The following KSR2 variants were observed in gnomAD, a reference collection of about 807,000 sequenced individuals.
KSR2 encodes the protein kinase suppressor of ras 2.
In KSR2, 25 loss-of-function variants were observed where a neutral mutation model predicts 107.8. The observed-to-expected ratio is 0.23, with a 90% confidence interval of 0.17 to 0.32. KSR2 has a LOEUF of 0.32. Ranked by LOEUF, KSR2 falls within the 10% of genes least tolerant of loss-of-function variation. The pLI, the probability that KSR2 is intolerant of heterozygous loss-of-function variation, is 1.00. For synonymous variants in KSR2, 480 were observed against 507.0 expected (o/e 0.95, Z 0.71); for missense variants, 887 against 1,268.9 (o/e 0.70, Z 4.57).
chr12:117,900,534 G>C (rs1009377814), intron 1 of KSR2, among the ~76,000 whole-genome samples: 1 of 152,150 alleles, frequency 6.6e-6, no homozygotes, highest in Non-Finnish European at 1.5e-5. Flanking sequence ...AATGTACTGT[G>C]TGCCAGGCAC....
At chr12:117,702,216 C>T (rs1886357789) in intron 4 of KSR2, among the ~76,000 whole-genome samples, 3 of 152,188 alleles carry the variant, frequency 2.0e-5, no homozygotes, top group South Asian at 2.1e-4. Flanking sequence ...TGTCACTGGG[C>T]CAACATGATT....
intron 1 of KSR2, among the ~76,000 whole-genome samples, chr12:117,927,883 G>A (rs1895578854): frequency 6.6e-6 from 1 of 152,030 alleles, no homozygotes; most frequent in Admixed American, 6.6e-5. Context: ...ACAGCGGAGT[G>A]GCCTCAAGCA....
intron 4 of KSR2, among the ~76,000 whole-genome samples, chr12:117,745,385 A>C (rs1395887343): frequency 6.6e-6 from 1 of 152,242 alleles, no homozygotes; most frequent in African/African-American, 2.4e-5. Context: ...CAAAGGAAAC[A>C]ATCAAGAGAG....
At chr12:117,591,778 C>T (rs926427037) in intron 5 of KSR2, among the ~76,000 whole-genome samples, 3 of 150,640 alleles carry the variant, frequency 2.0e-5, no homozygotes, top group African/African-American at 7.3e-5. Context: ...CAGAGGTGAG[C>T]GGATCACTTG....
At chr12:117,692,976 G>A (rs148374959) in intron 4 of KSR2, among the ~76,000 whole-genome samples, 72 of 152,210 alleles carry the variant, frequency 4.7e-4, no homozygotes, top group African/African-American at 1.6e-3. Flanking sequence ...ACTATTTAGA[G>A]GTGGTGGTTG....
chr12:117,573,916 C>G (rs926794459), intron 7 of KSR2, among the ~76,000 whole-genome samples: 3 of 152,290 alleles, frequency 2.0e-5, no homozygotes, highest in Admixed American at 6.5e-5. Context: ...AGATTCCTAT[C>G]TATAGAGTGA....
chr12:117,814,047 A>G (rs1395503037), intron 3 of KSR2, among the ~76,000 whole-genome samples: 1 of 152,234 alleles, frequency 6.6e-6, no homozygotes, highest in African/African-American at 2.4e-5. Context: ...TCTCACTTAT[A>G]GGTGGAAGCA....
At chr12:117,484,377 C>T (rs375118902) in intron 16 of KSR2, 39 bp downstream of exon 16, 43 of 1,608,828 alleles carry the variant, frequency 2.7e-5, no homozygotes, top group Non-Finnish European at 3.4e-5. Flanking sequence ...TGACCATCAT[C>T]TGTCAGGAAA....
At position 117,539,994 on chromosome 12, in the gene KSR2, T is replaced by A. The variant is rs913137857; in HGVS notation, c.1519-107A>T. 3.3e-6 allele frequency: 3 copies of A among 899,314 alleles called. No homozygotes were observed. In the African/African-American group the frequency reaches 5.2e-5, roughly 16 times the overall value. 55.7% of individuals were successfully genotyped at this position (899,314 alleles called of 1,614,324 possible). A position where few individuals can be genotyped will look rare whatever the true frequency, so the allele number is the denominator to read the frequency against. ...GCCCCCACCCCAGCCCCTGCAACAATTCTTGCCCTTTCCTCAGCCACCAGA... is the reference window on the plus strand; with the variant it reads ...GCCCCCACCCCAGCCCCTGCAACAAATCTTGCCCTTTCCTCAGCCACCAGA... On this transcript the variant is annotated intron_variant, in intron 9 of 19. Transcript: ENST00000339824.
At chr12:117,499,168 C>G (rs919795169) in intron 14 of KSR2, among the ~76,000 whole-genome samples, 1 of 152,182 alleles carries the variant, frequency 6.6e-6, no homozygotes, top group Non-Finnish European at 1.5e-5. Flanking sequence ...TCACCAGAAC[C>G]ACACTTATTT....
intron 4 of KSR2, among the ~76,000 whole-genome samples, chr12:117,743,243 T>C (rs1888288868): frequency 6.6e-6 from 1 of 152,234 alleles, no homozygotes; most frequent in Non-Finnish European, 1.5e-5. Context: ...TACTAACTCT[T>C]CCCAAAGAAG....
intron 1 of KSR2, among the ~76,000 whole-genome samples, chr12:117,958,624 C>A (rs533059896): frequency 2.8e-4 from 42 of 152,230 alleles, no homozygotes; most frequent in African/African-American, 9.9e-4. Flanking sequence ...AGTTCAAGAC[C>A]AGCCTGGCCA....
At chr12:117,780,133 A>T (rs1889835202) in intron 3 of KSR2, among the ~76,000 whole-genome samples, 1 of 152,230 alleles carries the variant, frequency 6.6e-6, no homozygotes, top group Middle Eastern at 3.2e-3. Context: ...TGGGTTAAAT[A>T]AAATATATTG....
In KSR2 at chr12:117,558,783, T is replaced by C. The variant is rs548271187; in HGVS notation, c.1326-210A>G. Among the ~76,000 whole-genome samples, 19 of 100,806 alleles carry C rather than the reference T, an allele frequency of 1.9e-4. No homozygotes were observed. In the East Asian group the frequency reaches 5.1e-3, roughly 27 times the overall value. 66.1% of individuals were successfully genotyped at this position (100,806 alleles called of 152,430 possible). A position where few individuals can be genotyped will look rare whatever the true frequency, so the allele number is the denominator to read the frequency against. The stretch of plus-strand genomic sequence containing the variant: ...GTAGGTGGATGCATAAATTGGTAGA[T>C]GGATTGATGCATGGGTGGGTGGGTG... On this transcript the variant is annotated intron_variant, in intron 7 of 19. Transcript: ENST00000339824.
chr12:117,670,527 C>T (rs35265190), intron 4 of KSR2, among the ~76,000 whole-genome samples: 3 of 152,178 alleles, frequency 2.0e-5, no homozygotes, highest in African/African-American at 7.2e-5. Flanking sequence ...TACATCATCA[C>T]CCACCCCGAG....
chr12:117,708,204 T>C (rs1405608168), intron 4 of KSR2, among the ~76,000 whole-genome samples: 1 of 152,234 alleles, frequency 6.6e-6, no homozygotes, highest in South Asian at 2.1e-4. Flanking sequence ...AATTAAACCA[T>C]TGTGATTCTG....
intron 3 of KSR2, among the ~76,000 whole-genome samples, chr12:117,765,796 T>G (rs1326332916): frequency 6.6e-6 from 1 of 152,162 alleles, no homozygotes; most frequent in Non-Finnish European, 1.5e-5. Context: ...AGTGGGCATT[T>G]GAGCAGATAT....
intron 4 of KSR2, among the ~76,000 whole-genome samples, chr12:117,746,720 T>C (rs1383084993): frequency 6.6e-6 from 1 of 151,400 alleles, no homozygotes; most frequent in Non-Finnish European, 1.5e-5. Flanking sequence ...TACAAGCAAC[T>C]TAAACAAATT....
intron 4 of KSR2, chr12:117,674,495 A>G (rs1470469709): frequency 2.3e-6 from 1 of 444,252 alleles, no homozygotes; most frequent in Non-Finnish European, 4.6e-6. Flanking sequence ...TCCCTTACGC[A>G]TTAGTCACTC....
Sources: gnomAD v4.1 joint callset for allele counts (sites outside exome capture counted in the v4.1 genomes callset) on GRCh38, gnomAD v4.1.1 for gene constraint, MANE v1.5 for transcripts, NCBI Gene and HGNC (gene_info 2026-07-23, HGNC 2026-07-21) for gene names.